ATRNL1: variants seen among roughly 807,000 people sequenced by gnomAD.
ATRNL1 encodes the protein attractin-like protein 1.
In ATRNL1, 95 loss-of-function variants were observed where a neutral mutation model predicts 182.7. That is an observed-to-expected ratio of 0.52 (90% CI 0.44 to 0.62). The LOEUF is 0.62. Ranked by LOEUF, ATRNL1 falls within the 20% of genes least tolerant of loss-of-function variation. The probability of loss-of-function intolerance (pLI) is 0.00; values close to 1 mark genes in which losing one functional copy is unlikely to be tolerated. For missense variants in ATRNL1, 1,471 were observed against 1,679.5 expected, an observed-to-expected ratio of 0.88 and a Z score of 2.17; for synonymous variants, 576 against 568.3, an observed-to-expected ratio of 1.01 and a Z score of -0.19.
intron 26 of ATRNL1, among the ~76,000 whole-genome samples, chr10:115,577,908 A>T (rs782139437): frequency 6.6e-6 from 1 of 151,554 alleles, no homozygotes; most frequent in Non-Finnish European, 1.5e-5. Flanking sequence ...GACCTTTATT[A>T]TGTTCAAGAA....
intron 20 of ATRNL1, among the ~76,000 whole-genome samples, chr10:115,401,488 C>T (rs1844561517): frequency 6.6e-6 from 1 of 152,158 alleles, no homozygotes; most frequent in East Asian, 1.9e-4. Flanking sequence ...AAATAGCAGG[C>T]TGCTGAAATG....
At chr10:115,407,609 A>G (rs1035655018) in intron 20 of ATRNL1, among the ~76,000 whole-genome samples, 2 of 152,132 alleles carry the variant, frequency 1.3e-5, no homozygotes, top group Non-Finnish European at 1.5e-5. Context: ...TATATATCCT[A>G]CATTTCCTTT....
At chr10:115,149,394 A>G (rs1223221965) in intron 5 of ATRNL1, among the ~76,000 whole-genome samples, 1 of 152,040 alleles carries the variant, frequency 6.6e-6, no homozygotes, top group East Asian at 1.9e-4. Context: ...AGGAAATTCC[A>G]CTGAGAACTC....
intron 26 of ATRNL1, among the ~76,000 whole-genome samples, chr10:115,609,350 A>G (rs1475049536): frequency 6.6e-6 from 1 of 152,162 alleles, no homozygotes; most frequent in Non-Finnish European, 1.5e-5. Flanking sequence ...TCAAGGAAAG[A>G]CACTCTGCTC....
intron 15 of ATRNL1, among the ~76,000 whole-genome samples, chr10:115,288,168 T>C (rs2133943539): frequency 6.6e-6 from 1 of 152,308 alleles, no homozygotes; most frequent in Admixed American, 6.5e-5. Flanking sequence ...TTGGCTATTG[T>C]GAATAGTGCT....
intron 26 of ATRNL1, among the ~76,000 whole-genome samples, chr10:115,669,698 A>G (rs1945636062): frequency 6.6e-6 from 1 of 152,138 alleles, no homozygotes; most frequent in Non-Finnish European, 1.5e-5. Context: ...ACTGGAGCAC[A>G]AAAATATTTT....
At chr10:115,280,655 A>T (rs1228137322) in intron 13 of ATRNL1, among the ~76,000 whole-genome samples, 1 of 152,158 alleles carries the variant, frequency 6.6e-6, no homozygotes, top group Non-Finnish European at 1.5e-5. Flanking sequence ...GTAGTCCCTT[A>T]CAGCTGACTT....
chr10:115,334,666 GATAA>G (rs1212830343), intron 19 of ATRNL1, among the ~76,000 whole-genome samples: 3 of 151,946 alleles, frequency 2.0e-5, no homozygotes, highest in African/African-American at 7.2e-5. Flanking sequence ...CTCAAACACA[GATAA>G]ATAAAAGAAA....
intron 18 of ATRNL1, among the ~76,000 whole-genome samples, chr10:115,330,528 T>C (rs1184362815): frequency 1.3e-5 from 2 of 152,152 alleles, no homozygotes; most frequent in Non-Finnish European, 2.9e-5. Flanking sequence ...TCTTTATTTC[T>C]AATTAATAAG....
At chr10:115,227,981 A>G (rs1849765030) in intron 9 of ATRNL1, among the ~76,000 whole-genome samples, 1 of 152,114 alleles carries the variant, frequency 6.6e-6, no homozygotes, top group Non-Finnish European at 1.5e-5. Context: ...TGGAGTGGTT[A>G]TGTGTTCACT....
chr10:115,328,780 T>C (rs868993403), intron 18 of ATRNL1, among the ~76,000 whole-genome samples: 1 of 152,128 alleles, frequency 6.6e-6, no homozygotes, highest in Non-Finnish European at 1.5e-5. Flanking sequence ...TGGACCTTTT[T>C]CATGGCTGAA....
At chr10:115,757,255 G>GA (rs1375863965) in intron 27 of ATRNL1, among the ~76,000 whole-genome samples, 9 of 152,070 alleles carry the variant, frequency 5.9e-5, no homozygotes, top group Non-Finnish European at 1.0e-4. Context: ...TCCTAGTGTC[G>GA]ATGTTCTTTA....
intron 26 of ATRNL1, among the ~76,000 whole-genome samples, chr10:115,577,636 G>GTGTGTGTT (rs1565181248): frequency 1.3e-4 from 19 of 150,858 alleles, no homozygotes; most frequent in Admixed American, 1.1e-3. Context: ...GTGTGTGTGT[G>GTGTGTGTT]TGTGTGTGTG....
intron 18 of ATRNL1, among the ~76,000 whole-genome samples, chr10:115,333,001 G>C (rs1170402543): frequency 6.6e-6 from 1 of 152,022 alleles, no homozygotes; most frequent in African/African-American, 2.4e-5. Context: ...GTACAATTTG[G>C]TCCTCTGTCT....
intron 28 of ATRNL1, among the ~76,000 whole-genome samples, chr10:115,877,428 G>A (rs1231148023): frequency 6.6e-6 from 1 of 152,180 alleles, no homozygotes; most frequent in Non-Finnish European, 1.5e-5. Flanking sequence ...GTCCATCTAT[G>A]GGAGTTACTA....
chr10:115,897,338 A>G (rs1952233416), intron 28 of ATRNL1, among the ~76,000 whole-genome samples: 1 of 152,112 alleles, frequency 6.6e-6, no homozygotes, highest in African/African-American at 2.4e-5. Flanking sequence ...TGTTGGAGGG[A>G]GTGGGGCAAT....
Position 115,241,583 on chromosome 10 carries a change from A to C in ATRNL1, c.1545A>C (p.Lys515Asn). Residue 515 changes from lysine (K) to asparagine (N), a missense_variant, in exon 10 of 29, where the codon AAA becomes AAC. This residue lies in a region of ATRNL1 where 1,031 missense variants were observed against 1,156.0 expected (regional missense o/e 0.89). Transcript: ENST00000355044. ...EVNTKTWTIL[K>N]ESGFARYLHS... ...TTTTATTCTGTAGGACTATTTTGAAAGAAAGTGGGTTTGCCAGATACCTTC... is the reference window on the plus strand; with the variant it reads ...TTTTATTCTGTAGGACTATTTTGAACGAAAGTGGGTTTGCCAGATACCTTC... 1 of 1,600,734 alleles carries C rather than the reference A, an allele frequency of 6.2e-7. No homozygotes were observed. The highest frequency in any genetic ancestry group is 8.5e-7 in the Non-Finnish European group (1 of 1,171,094).
intron 19 of ATRNL1, among the ~76,000 whole-genome samples, chr10:115,379,681 T>C (rs1297377917): frequency 1.3e-5 from 2 of 152,236 alleles, no homozygotes; most frequent in Non-Finnish European, 2.9e-5. Context: ...TCTTTACTAC[T>C]TGATGACAGT....
chr10:115,167,442 G>T (rs1372910091), intron 7 of ATRNL1, among the ~76,000 whole-genome samples: 2 of 151,900 alleles, frequency 1.3e-5, no homozygotes, highest in Non-Finnish European at 2.9e-5. Flanking sequence ...CAAAAATGTT[G>T]GGGTTTTGAC....
Sources: allele counts gnomAD v4.1 joint callset (sites outside exome capture counted in the v4.1 genomes callset), GRCh38; gene constraint gnomAD v4.1.1; regional missense constraint gnomAD v4.1.1; transcripts MANE v1.5; gene names NCBI Gene and HGNC (gene_info 2026-07-23, HGNC 2026-07-21).